SSBP2: variants seen among roughly 807,000 people sequenced by gnomAD.
SSBP2 encodes the protein single-stranded DNA-binding protein 2.
Under a neutral mutation model 61.8 loss-of-function variants are expected in SSBP2, and 17 were observed. That is an observed-to-expected ratio of 0.28 (90% CI 0.19 to 0.41). The LOEUF (loss-of-function observed/expected upper bound fraction) is 0.41, where lower values mean the gene tolerates loss of function less well. SSBP2 is among the 10% of genes least tolerant of loss of function. The pLI, the probability that SSBP2 is intolerant of heterozygous loss-of-function variation, is 1.00. For synonymous variants in SSBP2, 139 were observed against 141.3 expected (o/e 0.98, Z 0.12); for missense variants, 310 against 458.7 (o/e 0.68, Z 2.96).
chr5:81,750,997 T>C lies in SSBP2; in HGVS notation c.46A>G (p.Ser16Gly), dbSNP rs752312538. ...GACACTTACTTCTCCCGGGCCTGGC[T>C]GTCGGACGGGACGGCGCTGCTGTTA... The change falls in exon 1 of 17, where the codon AGC becomes GGC. Residue 16 changes from serine to glycine, a missense_variant. Physicochemically the swap from Ser to Gly is moderately conservative, Grantham distance 56. Transcript: ENST00000320672. 4 of 1,599,106 alleles carry C rather than the reference T, an allele frequency of 2.5e-6. No homozygotes were observed. In the East Asian group the frequency reaches 9.1e-5, roughly 36 times the overall value.
At chr5:81,713,511 G>A (rs190748027) in intron 1 of SSBP2, among the ~76,000 whole-genome samples, 11 of 152,218 alleles carry the variant, frequency 7.2e-5, no homozygotes, top group Admixed American at 7.2e-4. Context: ...AATCACTGCA[G>A]GGTTATACCC....
chr5:81,512,778 T>G, intron 5 of SSBP2, among the ~76,000 whole-genome samples: 1 of 152,122 alleles, frequency 6.6e-6, no homozygotes, highest in East Asian at 1.9e-4. Flanking sequence ...TATGAAGAAC[T>G]CTGAAAATAC....
chr5:81,750,678 G>A, intron 1 of SSBP2: 1 of 305,026 alleles, frequency 3.3e-6, no homozygotes. Context: ...AGGTGAACCC[G>A]CGGGTTATTT....
intron 1 of SSBP2, among the ~76,000 whole-genome samples, chr5:81,675,282 C>T (rs1425322612): frequency 6.6e-6 from 1 of 152,124 alleles, no homozygotes; most frequent in East Asian, 1.9e-4. Flanking sequence ...AAATAATAGT[C>T]CCCCATCATC....
intron 4 of SSBP2, among the ~76,000 whole-genome samples, chr5:81,605,298 T>C (rs1346343724): frequency 6.6e-6 from 1 of 152,114 alleles, no homozygotes; most frequent in Non-Finnish European, 1.5e-5. Flanking sequence ...TTTAATGACA[T>C]GATAAATTAT....
chr5:81,506,391 A>G lies in SSBP2; in HGVS notation c.372+7237T>C, dbSNP rs532871709. 2.6e-5 allele frequency among the ~76,000 whole-genome samples: 4 copies of G among 152,264 alleles called. No individual in the cohort carries two copies. In the East Asian group the frequency reaches 5.8e-4, roughly 22 times the overall value. ...TTAAACTATATATATTAATGCTGTTAGATATTCTAGTCTAATAAATTAATT... is the reference window on the plus strand; with the variant it reads ...TTAAACTATATATATTAATGCTGTTGGATATTCTAGTCTAATAAATTAATT... On this transcript the variant is annotated intron_variant, in intron 5 of 16. Transcript: ENST00000320672.
In SSBP2 at chr5:81,652,294, T is replaced by C. The variant is rs532467572; in HGVS notation, c.63-1955A>G. ...TTCTTTTTCATATTAACGGGGGTAA[T>C]ATAGTTAGAAGCTTCTAAGTTTTCT... On this transcript the variant is annotated intron_variant, in intron 1 of 16. Coordinates refer to ENST00000320672, the MANE Select transcript of SSBP2 (RefSeq NM_012446.5). Among the ~76,000 whole-genome samples the C allele has an allele frequency of 3.1e-4, 47 of 152,320 alleles. No homozygotes were observed. In the South Asian group the frequency reaches 7.4e-3, roughly 24 times the overall value.
At chr5:81,563,256 A>G (rs1773183524) in intron 4 of SSBP2, among the ~76,000 whole-genome samples, 1 of 152,194 alleles carries the variant, frequency 6.6e-6, no homozygotes, top group African/African-American at 2.4e-5. Context: ...AGGAGAAATG[A>G]GAGTCTTTTC....
At chr5:81,544,198 G>A (rs1300796714) in intron 4 of SSBP2, among the ~76,000 whole-genome samples, 1 of 152,086 alleles carries the variant, frequency 6.6e-6, no homozygotes, top group African/African-American at 2.4e-5. Flanking sequence ...TACAGGCGAT[G>A]CCACCACGCC....
chr5:81,680,680 T>C (rs922067400), intron 1 of SSBP2, among the ~76,000 whole-genome samples: 5 of 152,180 alleles, frequency 3.3e-5, no homozygotes, highest in African/African-American at 9.7e-5. Flanking sequence ...AGGGACATTA[T>C]GTAATGGTAA....
At chr5:81,470,920 G>A (rs750610298) in intron 8 of SSBP2, among the ~76,000 whole-genome samples, 3 of 151,694 alleles carry the variant, frequency 2.0e-5, no homozygotes, top group Non-Finnish European at 4.4e-5. Flanking sequence ...AAATAAATAC[G>A]TCATAAGATT....
Position 81,548,035 on chromosome 5 carries a change from C to T in SSBP2, c.283-34318G>A, listed in dbSNP as rs182444307. Among the ~76,000 whole-genome samples the T allele has an allele frequency of 1.9e-3, 294 of 152,186 alleles. 1 individual carries two copies. Among genetic ancestry groups the T allele is most frequent in the Non-Finnish European group, 2.6e-3 (179 of 68,010 alleles). ...AAACCCATGGAATATACAATATATA[C>T]GTATCCCAGAACTTAAAGTGTAATA... is the stretch of plus-strand genomic sequence containing the variant. On this transcript the variant is annotated intron_variant, in intron 4 of 16. Coordinates refer to ENST00000320672, the MANE Select transcript of SSBP2 (RefSeq NM_012446.5).
At chr5:81,665,806 T>A (rs1458893912) in intron 1 of SSBP2, among the ~76,000 whole-genome samples, 1 of 152,186 alleles carries the variant, frequency 6.6e-6, no homozygotes, top group Non-Finnish European at 1.5e-5. Flanking sequence ...AGCCCAGCCT[T>A]GGAGTCATTT....
intron 4 of SSBP2, among the ~76,000 whole-genome samples, chr5:81,526,669 AATTC>A (rs1271807010): frequency 2.0e-5 from 3 of 152,052 alleles, no homozygotes; most frequent in South Asian, 2.1e-4. Flanking sequence ...CAACCTTTTG[AATTC>A]ATTATTTTCA....
chr5:81,637,359 T>C (rs1261830237), intron 2 of SSBP2, among the ~76,000 whole-genome samples: 1 of 152,234 alleles, frequency 6.6e-6, no homozygotes, highest in East Asian at 1.9e-4. Flanking sequence ...AATTATTGAT[T>C]TTATGTAACT....
At chr5:81,581,512 A>T (rs905302396) in intron 4 of SSBP2, among the ~76,000 whole-genome samples, 3 of 152,214 alleles carry the variant, frequency 2.0e-5, no homozygotes, top group African/African-American at 7.2e-5. Context: ...ATTCCATTTC[A>T]ACCTTTTAAA....
intron 1 of SSBP2, among the ~76,000 whole-genome samples, chr5:81,741,606 C>T (rs1208686040): frequency 9.9e-5 from 15 of 152,130 alleles, no homozygotes; most frequent in Admixed American, 9.8e-4. Flanking sequence ...CCTTACCTTT[C>T]CCTCCCCCTA....
chr5:81,721,274 G>C (rs1755525729), intron 1 of SSBP2, among the ~76,000 whole-genome samples: 1 of 152,046 alleles, frequency 6.6e-6, no homozygotes, highest in Non-Finnish European at 1.5e-5. Context: ...TCAGGCTTGA[G>C]AATCACACGA....
At chr5:81,438,348 CAAAAA>C (rs11303330) in intron 14 of SSBP2, among the ~76,000 whole-genome samples, 1 of 104,806 alleles carries the variant, frequency 9.5e-6, no homozygotes, top group Admixed American at 9.7e-5. Flanking sequence ...GAGACTGTCT[CAAAAA>C]AAAAAAAAAA....
Sources: allele counts gnomAD v4.1 joint callset (sites outside exome capture counted in the v4.1 genomes callset), GRCh38; gene constraint gnomAD v4.1.1; transcripts MANE v1.5; gene names NCBI Gene and HGNC (gene_info 2026-07-23, HGNC 2026-07-21).